ATG4C: variants seen among roughly 807,000 people sequenced by gnomAD.
ATG4C encodes the protein autophagy related 4C cysteine peptidase, also known as cysteine protease ATG4C.
Under a neutral mutation model 57.6 loss-of-function variants are expected in ATG4C, and 56 were observed. The ratio of observed to expected loss-of-function variants is 0.97; its 90% CI spans 0.78 to 1.21. The LOEUF (loss-of-function observed/expected upper bound fraction) is 1.21, where lower values mean the gene tolerates loss of function less well. ATG4C is among the 50% of genes most tolerant of loss of function. The probability of loss-of-function intolerance (pLI) is 0.00; values close to 1 mark genes in which losing one functional copy is unlikely to be tolerated. For synonymous variants in ATG4C, 157 were observed against 174.1 expected (o/e 0.90, Z 0.78); for missense variants, 595 against 529.8 (o/e 1.12, Z -1.21).
At chr1:62,837,098 CTCTTT>C (rs796399282) in intron 9 of ATG4C, among the ~76,000 whole-genome samples, 8 of 152,126 alleles carry the variant, frequency 5.3e-5, no homozygotes, top group African/African-American at 1.9e-4. Context: ...CTCTGTTGAA[CTCTTT>C]TCTTCTCTGT....
chr1:62,806,458 ATAT>A (rs890490440), intron 3 of ATG4C, among the ~76,000 whole-genome samples: 21 of 151,954 alleles, frequency 1.4e-4, no homozygotes, highest in Non-Finnish European at 2.6e-4. Flanking sequence ...ATTTTAAGTG[ATAT>A]TATTTGTGAT....
intron 1 of ATG4C, among the ~76,000 whole-genome samples, chr1:62,789,249 A>G (rs1414117155): frequency 6.6e-6 from 1 of 152,154 alleles, no homozygotes; most frequent in Non-Finnish European, 1.5e-5. Flanking sequence ...GTACCCAAGT[A>G]TCCTTTTTTT....
At chr1:62,834,702 A>G in intron 8 of ATG4C, 74 bp from the exon 9 acceptor site, 1 of 1,255,792 alleles carries the variant, frequency 8.0e-7, no homozygotes, top group Non-Finnish European at 1.2e-6. Flanking sequence ...GCTGTTCTAC[A>G]TAGAAATTGG....
rs540628013 is a variant in ATG4C at position 62,799,336 on chromosome 1, A to G, written c.-68-4383A>G. On this transcript the variant is annotated intron_variant, in intron 1 of 10. Transcript: ENST00000317868. ...TTATTTATTAAACTAGCAACAACTCATCTTTAGTTTAACCTTACGAAAATA... is the reference window on the plus strand; with the variant it reads ...TTATTTATTAAACTAGCAACAACTCGTCTTTAGTTTAACCTTACGAAAATA... Among the ~76,000 whole-genome samples the G allele has an allele frequency of 9.2e-5, 14 of 152,330 alleles. No homozygotes were observed. In the South Asian group the frequency reaches 1.9e-3, roughly 20 times the overall value.
chr1:62,853,817 T>G (rs986523700), intron 10 of ATG4C, among the ~76,000 whole-genome samples: 26 of 152,336 alleles, frequency 1.7e-4, no homozygotes, highest in African/African-American at 6.3e-4. Context: ...TGTCATTGAT[T>G]GTCCTGCTTT....
At chr1:62,818,493 A>G (rs545222202) in intron 4 of ATG4C, among the ~76,000 whole-genome samples, 1 of 152,028 alleles carries the variant, frequency 6.6e-6, no homozygotes, top group Non-Finnish European at 1.5e-5. Context: ...GGGATTGTCC[A>G]TTTTTACCCA....
chr1:62,860,105 C>G (rs576717544), intron 10 of ATG4C, among the ~76,000 whole-genome samples: 2 of 152,138 alleles, frequency 1.3e-5, no homozygotes, highest in Admixed American at 6.5e-5. Context: ...CAAACATACA[C>G]ATTAGTTTAG....
chr1:62,850,091 TATAAA>T (rs1666457948), intron 10 of ATG4C, among the ~76,000 whole-genome samples: 1 of 152,148 alleles, frequency 6.6e-6, no homozygotes, highest in South Asian at 2.1e-4. Flanking sequence ...TGAAGTAAAT[TATAAA>T]ATAAAGTAAA....
Position 62,805,164 on chromosome 1 carries a change from TTTG to T in ATG4C, c.77-7_77-5del. 6.6e-7 allele frequency: 1 copy of T among 1,522,560 alleles called. No individual in the cohort carries two copies. The highest frequency in any genetic ancestry group is 1.5e-5 in the African/African-American group (1 of 68,606). 94.3% of individuals were successfully genotyped at this position (1,522,560 alleles called of 1,614,324 possible). A position where few individuals can be genotyped will look rare whatever the true frequency, so the allele number is the denominator to read the frequency against. On this transcript the variant is annotated splice_polypyrimidine_tract_variant and splice_region_variant and intron_variant, in intron 2 of 10. Coordinates refer to ENST00000317868, the MANE Select transcript of ATG4C (RefSeq NM_032852.4). ...AACGTTTTCTTTTCTTTTTTTTTTT[TTTG>T]CTAGGTTGGGTGTTGAAAACAAAGA...
rs564020224 is a variant in ATG4C at position 62,829,263 on chromosome 1, G to A, written c.933+87G>A. ...TTTGCAATTTTTTTCTGTTAAATGAGTAGTGATGATTTTGTAGTTGTACGT... is the reference window on the plus strand; with the variant it reads ...TTTGCAATTTTTTTCTGTTAAATGAATAGTGATGATTTTGTAGTTGTACGT... On this transcript the variant is annotated intron_variant, in intron 7 of 10. Transcript: ENST00000317868. 34 of 1,426,980 alleles carry A rather than the reference G, an allele frequency of 2.4e-5. No homozygotes were observed. The East Asian group carries it at 7.4e-4, about 31-fold the overall frequency. The allele number at this position is 1,426,980 out of a possible 1,614,324, so 88.4% of individuals were successfully genotyped here.
intron 1 of ATG4C, among the ~76,000 whole-genome samples, chr1:62,789,953 T>A (rs946582888): frequency 6.6e-6 from 1 of 151,900 alleles, no homozygotes; most frequent in African/African-American, 2.4e-5. Flanking sequence ...CTTGCTCTTG[T>A]TGCCCAGGCT....
intron 3 of ATG4C, among the ~76,000 whole-genome samples, chr1:62,813,800 C>A (rs1387636994): frequency 2.6e-5 from 4 of 152,172 alleles, no homozygotes; most frequent in African/African-American, 9.7e-5. Context: ...TGAATAGACA[C>A]TTCTCAAAAG....
chr1:62,829,037 C>A lies in ATG4C; in HGVS notation c.797-3C>A. The A allele has an allele frequency of 2.5e-6, 4 of 1,595,826 alleles. No individual in the cohort carries two copies. The highest frequency in any genetic ancestry group is 2.6e-6 in the Non-Finnish European group (3 of 1,173,834). On this transcript the variant is annotated splice_region_variant and splice_polypyrimidine_tract_variant and intron_variant, in intron 6 of 10. Transcript: ENST00000317868. ...TAATACATATTCATTATGTTTTTCT[C>A]AGTTTACAATTCTGATGTAATTGAT...
At chr1:62,796,310 T>C (rs894440418) in intron 1 of ATG4C, among the ~76,000 whole-genome samples, 1 of 151,020 alleles carries the variant, frequency 6.6e-6, no homozygotes, top group Non-Finnish European at 1.5e-5. Flanking sequence ...AATATTTTAA[T>C]AGAACAAAGC....
intron 2 of ATG4C, among the ~76,000 whole-genome samples, chr1:62,804,838 A>G (rs544619881): frequency 2.1e-4 from 32 of 152,356 alleles, no homozygotes; most frequent in African/African-American, 7.2e-4. Context: ...GGCAGTTTAA[A>G]TTATGTACCA....
intron 8 of ATG4C, 97 bp from the exon 9 acceptor site, chr1:62,834,679 C>T (rs1665943350): frequency 6.3e-6 from 6 of 952,874 alleles, no homozygotes; most frequent in Non-Finnish European, 9.8e-6. Flanking sequence ...CTGTTACTCC[C>T]AGATTTTTTT....
At chr1:62,824,669 CT>C (rs397862637) in intron 6 of ATG4C, among the ~76,000 whole-genome samples, 141 of 135,434 alleles carry the variant, frequency 1.0e-3, no homozygotes, top group Non-Finnish European at 1.0e-3. Flanking sequence ...CTCTCTCTCT[CT>C]TTTTTTTTTT....
At position 62,864,393 on chromosome 1, in the gene ATG4C, A is replaced by G; in HGVS notation, c.*234A>G. On this transcript the variant is annotated 3_prime_UTR_variant, in exon 11 of 11. Transcript: ENST00000317868. Reference sequence around the variant, plus strand: ...ATTCTGGTTGCATTCCTATTTCCCTAAGATCTACTAGTGATAATTCTACCT... The same window carrying G: ...ATTCTGGTTGCATTCCTATTTCCCTGAGATCTACTAGTGATAATTCTACCT... 2.8e-6 allele frequency: 1 copy of G among 357,380 alleles called. No individual in the cohort carries two copies. The highest frequency in any genetic ancestry group is 5.1e-6 in the Non-Finnish European group (1 of 196,584). The allele number at this position is 357,380 out of a possible 1,614,324, so 22.1% of individuals were successfully genotyped here.
rs1315597666 is a variant in ATG4C at position 62,834,799 on chromosome 1, C to A, written c.1036C>A (p.Pro346Thr). Reference protein sequence around the residue: ...FQDDSLIYMDPHYCQSFVDVS... With the variant: ...FQDDSLIYMDTHYCQSFVDVS... The stretch of plus-strand genomic sequence containing the variant: ...AGATGACAGTTTGATTTACATGGAT[C>A]CTCATTACTGCCAATCTTTTGTAGA... Residue 346 changes from proline to threonine, a missense_variant, in exon 9 of 11, where the codon CCT (proline) becomes ACT (threonine). Transcript: ENST00000317868. 3 of 1,611,816 alleles carry A rather than the reference C, an allele frequency of 1.9e-6. No individual in the cohort carries two copies. Among genetic ancestry groups the A allele is most frequent in the African/African-American group, 1.3e-5 (1 of 74,770 alleles).
Sources: gnomAD v4.1 joint callset for allele counts (sites outside exome capture counted in the v4.1 genomes callset) on GRCh38, gnomAD v4.1.1 for gene constraint, MANE v1.5 for transcripts, NCBI Gene and HGNC (gene_info 2026-07-23, HGNC 2026-07-21) for gene names.